The following GLB1 variants were observed in gnomAD, a reference collection of about 807,000 sequenced individuals.
GLB1 encodes the protein beta-galactosidase.
In GLB1, 56 loss-of-function variants were observed where a neutral mutation model predicts 74.0. The observed-to-expected ratio is 0.76, with a 90% CI of 0.61 to 0.94. GLB1 has a LOEUF of 0.94. Ranked by LOEUF, GLB1 falls within the 40% of genes least tolerant of loss-of-function variation. The pLI, the probability that GLB1 is intolerant of heterozygous loss-of-function variation, is 0.00. For synonymous variants in GLB1, 323 were observed against 323.6 expected (o/e 1.00, Z 0.02); for missense variants, 787 against 845.5 (o/e 0.93, Z 0.86).
intron 15 of GLB1, among the ~76,000 whole-genome samples, chr3:32,998,024 G>T (rs939225969): frequency 6.6e-6 from 1 of 152,190 alleles, no homozygotes; most frequent in Non-Finnish European, 1.5e-5. Context: ...ACTCTTACAG[G>T]CACCCTCAGA....
chr3:33,006,523 GA>G (rs1184512760), intron 15 of GLB1, among the ~76,000 whole-genome samples: 1 of 152,082 alleles, frequency 6.6e-6, no homozygotes, highest in East Asian at 1.9e-4. Flanking sequence ...ACATATTGTG[GA>G]AAGCACTGGA....
chr3:32,980,832 C>T, the GLB1 span, among the ~76,000 whole-genome samples: 3 of 150,808 alleles, frequency 2.0e-5, no homozygotes, highest in African/African-American at 4.9e-5. Context: ...GGCTCACGCC[C>T]CTAATCCCAG....
chr3:32,970,388 T>A, the GLB1 span, among the ~76,000 whole-genome samples: 1 of 152,014 alleles, frequency 6.6e-6, no homozygotes, highest in Non-Finnish European at 1.5e-5. Flanking sequence ...CCACCCCCCA[T>A]TATAAGTCAG....
the GLB1 span, among the ~76,000 whole-genome samples, chr3:32,987,501 A>G: frequency 6.6e-6 from 1 of 152,208 alleles, no homozygotes; most frequent in Non-Finnish European, 1.5e-5. Context: ...TTGGCTCTGC[A>G]GTAAGACAGA....
chr3:33,059,250 CA>C, intron 5 of GLB1, among the ~76,000 whole-genome samples: 1 of 44,122 alleles, frequency 2.3e-5, no homozygotes, highest in East Asian at 9.6e-3. Flanking sequence ...AACATACACA[CA>C]CACACACACA....
intron 10 of GLB1, chr3:33,030,140 G>A (rs1697946075): frequency 6.6e-6 from 1 of 152,146 alleles, no homozygotes; most frequent in South Asian, 2.1e-4. Flanking sequence ...GGTATAAACA[G>A]TGCTGTTTCA....
rs1418199201 is a variant in GLB1 at position 33,053,513 on chromosome 3, T to A, written c.770A>T (p.Lys257Met). 1.2e-6 allele frequency: 2 copies of A among 1,614,172 alleles called. No homozygotes were observed. Among genetic ancestry groups the A allele is most frequent in the Non-Finnish European group, 1.7e-6 (2 of 1,180,000 alleles). The change falls in exon 7 of 16, where the codon AAG (lysine) becomes ATG (methionine). Residue 257 changes from lysine (K) to methionine (M), a missense_variant. Lys to Met is a moderately conservative substitution (Grantham distance 95, BLOSUM62 -1). Coordinates refer to ENST00000307363, the MANE Select transcript of GLB1 (RefSeq NM_000404.4). ...NITDAFLSQR[K>M]CEPKGPLINS... ...TACCAAGGGTCCTTTGGGCTCACAC[T>A]TCCTCTGGCTTAGGAAAGCATCTGT... is the stretch of plus-strand genomic sequence containing the variant.
At chr3:33,074,385 G>GAAAGAAAGAAAGA (rs1338351259) in intron 1 of GLB1, among the ~76,000 whole-genome samples, 395 of 19,848 alleles carry the variant, frequency 0.02, 51 homozygotes, top group East Asian at 0.065. Context: ...AGGAAGGAAG[G>GAAAGAAAGAAAGA]AAGGAAGAAA....
In GLB1 at chr3:33,064,767, ACTCT is replaced by A. The variant is rs1221845088; in HGVS notation, c.552+692_552+695del. Among the ~76,000 whole-genome samples the A allele has an allele frequency of 4.6e-5, 4 of 87,206 alleles. No individual in the cohort carries two copies. In the East Asian group the frequency reaches 1.1e-3, roughly 24 times the overall value. 57.2% of individuals were successfully genotyped at this position (87,206 alleles called of 152,430 possible). A position where few individuals can be genotyped will look rare whatever the true frequency, so the allele number is the denominator to read the frequency against. Reference sequence around the variant, plus strand: ...ACTCCAGCCTGGGCAACGGAATGAGACTCTCTCTCAAAAAAAAAAAAAAAAAAAA... The same window carrying A: ...ACTCCAGCCTGGGCAACGGAATGAGACTCTCAAAAAAAAAAAAAAAAAAAA... On this transcript the variant is annotated intron_variant, in intron 5 of 15. Transcript: ENST00000307363.
At chr3:33,031,461 T>C (rs72854781) in intron 10 of GLB1, among the ~76,000 whole-genome samples, 11,264 of 151,078 alleles carry the variant, frequency 0.075, 543 homozygotes, top group East Asian at 0.23. Context: ...CTGGCCAACA[T>C]GGCGAAACTC....
At chr3:33,094,166 G>A (rs750242086) in intron 1 of GLB1, 7 of 1,609,380 alleles carry the variant, frequency 4.3e-6, no homozygotes, top group East Asian at 2.2e-5. Flanking sequence ...TGGCCTTCGC[G>A]CCTAGGGACA....
In GLB1 at chr3:33,015,575, A is replaced by T. The variant is rs192828481; in HGVS notation, c.1479+1134T>A. Among the ~76,000 whole-genome samples the T allele has an allele frequency of 1.5e-4, 23 of 152,326 alleles. No individual in the cohort carries two copies. In the East Asian group the frequency reaches 3.9e-3, roughly 26 times the overall value. ...TTTAATAATTTGATAAATATTAACC[A>T]GGTGGCTGTATGTCAGGCTCTTTGA... On this transcript the variant is annotated intron_variant, in intron 14 of 15. Coordinates refer to ENST00000307363, the MANE Select transcript of GLB1 (RefSeq NM_000404.4).
At chr3:32,975,760 C>T in the GLB1 span, among the ~76,000 whole-genome samples, 26 of 152,284 alleles carry the variant, frequency 1.7e-4, no homozygotes, top group Admixed American at 1.2e-3. Flanking sequence ...AGCAGCTCAC[C>T]TGAGATGAAA....
chr3:33,079,584 G>T (rs1700249267), intron 1 of GLB1, among the ~76,000 whole-genome samples: 1 of 152,164 alleles, frequency 6.6e-6, no homozygotes, highest in Admixed American at 6.5e-5. Flanking sequence ...AAATAAAAAT[G>T]CAGACTGATA....
chr3:33,083,580 T>C (rs562533099), intron 1 of GLB1, among the ~76,000 whole-genome samples: 30 of 152,274 alleles, frequency 2.0e-4, no homozygotes, highest in Admixed American at 2.0e-3. Flanking sequence ...AGAGACATAC[T>C]TTTATTTCAT....
intron 8 of GLB1, 39 bp from the exon 9 acceptor site, chr3:33,051,837 C>T (rs1699004231): frequency 1.2e-6 from 2 of 1,614,148 alleles, no homozygotes; most frequent in Admixed American, 1.7e-5. Flanking sequence ...TCACTGTGAG[C>T]CCATGGCTAC....
intron 1 of GLB1, among the ~76,000 whole-genome samples, chr3:33,079,696 T>C (rs1401705410): frequency 6.6e-6 from 1 of 152,228 alleles, no homozygotes; most frequent in African/African-American, 2.4e-5. Context: ...GGAGAGTATG[T>C]AGCCCTTGCC....
chr3:33,027,445 T>C lies in GLB1; in HGVS notation c.1069-3120A>G, dbSNP rs555419852. On this transcript the variant is annotated intron_variant, in intron 10 of 15. Transcript: ENST00000307363. The stretch of plus-strand genomic sequence containing the variant: ...GGCCGAGTGGGCAGAACGAACCCAG[T>C]GGGCCCGAGCAAAACTCGGGCAAAG... Among the ~76,000 whole-genome samples, 10 of 152,306 alleles carry C rather than the reference T, an allele frequency of 6.6e-5. No individual in the cohort carries two copies. The South Asian group carries it at 8.3e-4, about 13-fold the overall frequency.
chr3:33,093,566 C>G lies in GLB1; in HGVS notation c.75+3445G>C, dbSNP rs1385010222. 1.2e-5 allele frequency: 19 copies of G among 1,614,184 alleles called. No homozygotes were observed. Among genetic ancestry groups the G allele is most frequent in the Non-Finnish European group, 1.6e-5 (19 of 1,180,026 alleles). On this transcript the variant is annotated intron_variant, in intron 1 of 15. Coordinates refer to ENST00000307363, the MANE Select transcript of GLB1 (RefSeq NM_000404.4). This position sits in a 1 kb window ranked among gnomAD's most constrained non-coding sequence, Gnocchi z 6.0. Reference sequence around the variant, plus strand: ...GGCCCAAGTGAATGTCTGAGAGGAGCACGATCTTGAGGTTGTTCATTGAGG... The same window carrying G: ...GGCCCAAGTGAATGTCTGAGAGGAGGACGATCTTGAGGTTGTTCATTGAGG...
Sources: allele counts gnomAD v4.1 joint callset (sites outside exome capture counted in the v4.1 genomes callset), GRCh38; gene constraint gnomAD v4.1.1; non-coding constraint Gnocchi (gnomAD v3.1); transcripts MANE v1.5; gene names NCBI Gene and HGNC (gene_info 2026-07-23, HGNC 2026-07-21).